Variants in ST8SIA2 observed in about 807,000 individuals in gnomAD.
ST8SIA2 encodes the protein ST8 alpha-N-acetyl-neuraminide alpha-2,8-sialyltransferase 2.
Under a neutral mutation model 37.6 loss-of-function variants are expected in ST8SIA2, and 22 were observed. The ratio of observed to expected loss-of-function variants is 0.58; its 90% confidence interval spans 0.42 to 0.83. ST8SIA2 has a LOEUF of 0.83. Among genes scored for constraint, ST8SIA2 ranks in the 40% least tolerant of loss-of-function variants. The probability of loss-of-function intolerance (pLI) is 0.00; values close to 1 mark genes in which losing one functional copy is unlikely to be tolerated. For synonymous variants in ST8SIA2, 205 were observed against 201.2 expected (o/e 1.02, Z -0.16); for missense variants, 382 against 484.7 (o/e 0.79, Z 1.99).
At chr15:92,451,132 T>C (rs891828334) in intron 5 of ST8SIA2, among the ~76,000 whole-genome samples, 11 of 152,142 alleles carry the variant, frequency 7.2e-5, no homozygotes, top group African/African-American at 2.2e-4. Flanking sequence ...CTCAGACAAG[T>C]TAGGTCATTT....
At chr15:92,453,549 A>G (rs765996707) in intron 5 of ST8SIA2, among the ~76,000 whole-genome samples, 1 of 152,250 alleles carries the variant, frequency 6.6e-6, no homozygotes, top group African/African-American at 2.4e-5. Flanking sequence ...CAAAAGGATA[A>G]CATGGTCTTG....
intron 1 of ST8SIA2, among the ~76,000 whole-genome samples, chr15:92,412,129 T>C (rs572165766): frequency 6.6e-6 from 1 of 152,060 alleles, no homozygotes; most frequent in South Asian, 2.1e-4. Context: ...GAGAGGTCTC[T>C]GATAAAGGGG....
At chr15:92,431,184 C>G (rs2049712909) in intron 2 of ST8SIA2, among the ~76,000 whole-genome samples, 1 of 152,172 alleles carries the variant, frequency 6.6e-6, no homozygotes, top group African/African-American at 2.4e-5. Flanking sequence ...AATGATGCCC[C>G]ATTTCGGAGA....
chr15:92,411,115 G>C (rs1399346881), intron 1 of ST8SIA2, among the ~76,000 whole-genome samples: 2 of 152,138 alleles, frequency 1.3e-5, no homozygotes, highest in Non-Finnish European at 2.9e-5. Flanking sequence ...CATGGGGTCC[G>C]GAGACCTCTA....
chr15:92,462,615 T>A (rs2049965283), intron 5 of ST8SIA2, among the ~76,000 whole-genome samples: 2 of 152,220 alleles, frequency 1.3e-5, no homozygotes, highest in South Asian at 4.1e-4. Flanking sequence ...GTGTGTTTGA[T>A]TATACAGTCA....
At position 92,466,138 on chromosome 15, in the gene ST8SIA2, C is replaced by G. The variant is rs1221886547; in HGVS notation, c.*1753C>G. 6.6e-6 allele frequency: 1 copy of G among 152,158 alleles called. No individual in the cohort carries two copies. The highest frequency in any genetic ancestry group is 1.5e-5 in the Non-Finnish European group (1 of 68,030). 9.4% of individuals were successfully genotyped at this position (152,158 alleles called of 1,614,324 possible). The stretch of plus-strand genomic sequence containing the variant: ...ACCATTAACCCTACACAAGAACACT[C>G]CAGCCCAAAACCGTGAGGAAGGTGA... On this transcript the variant is annotated 3_prime_UTR_variant, in exon 6 of 6. Transcript: ENST00000268164.
intron 5 of ST8SIA2, among the ~76,000 whole-genome samples, chr15:92,462,090 G>A (rs193275152): frequency 2.0e-5 from 3 of 151,610 alleles, no homozygotes; most frequent in East Asian, 3.9e-4. Context: ...AAACAACCGC[G>A]GTTGTCTAGG....
At position 92,429,446 on chromosome 15, in the gene ST8SIA2, A is replaced by G. The variant is rs142098895; in HGVS notation, c.99-603A>G. Among the ~76,000 whole-genome samples, 441 of 152,296 alleles carry G rather than the reference A, an allele frequency of 2.9e-3. 2 individuals are homozygous for G. Among genetic ancestry groups the G allele is most frequent in the African/African-American group, 0.01 (423 of 41,564 alleles). ...AAAAGCCTATCCTACAGAGGAAGAA[A>G]CAAGGGATCTCATGACTCACATACA... On this transcript the variant is annotated intron_variant, in intron 1 of 5. Coordinates refer to ENST00000268164, the MANE Select transcript of ST8SIA2 (RefSeq NM_006011.4).
intron 1 of ST8SIA2, among the ~76,000 whole-genome samples, chr15:92,409,884 A>G (rs2049537011): frequency 6.6e-6 from 1 of 152,254 alleles, no homozygotes; most frequent in South Asian, 2.1e-4. Flanking sequence ...GGTGCTTACA[A>G]GCCCTGTGCT....
At chr15:92,409,336 T>C (rs1365392822) in intron 1 of ST8SIA2, among the ~76,000 whole-genome samples, 1 of 152,230 alleles carries the variant, frequency 6.6e-6, no homozygotes, top group East Asian at 1.9e-4. Context: ...CTTTTGAAGC[T>C]CACGCATTTG....
intron 4 of ST8SIA2, among the ~76,000 whole-genome samples, chr15:92,443,599 C>G (rs995178225): frequency 2.6e-5 from 4 of 152,078 alleles, no homozygotes; most frequent in African/African-American, 4.8e-5. Context: ...CCCTATTGCC[C>G]CCAGAACCAA....
intron 2 of ST8SIA2, 21 bp from the exon 3 acceptor site, chr15:92,434,222 CTCTT>C (rs1567218067): frequency 6.2e-7 from 1 of 1,613,672 alleles, no homozygotes; most frequent in African/African-American, 1.3e-5. Flanking sequence ...CATGTCTACC[CTCTT>C]TCTTTTTTTT....
At chr15:92,439,594 A>C (rs1186531174) in intron 4 of ST8SIA2, among the ~76,000 whole-genome samples, 1 of 152,106 alleles carries the variant, frequency 6.6e-6, no homozygotes, top group Admixed American at 6.5e-5. Context: ...AAGCCGCCCT[A>C]TTGTAGAGTT....
intron 1 of ST8SIA2, among the ~76,000 whole-genome samples, chr15:92,409,783 C>T (rs1265572272): frequency 2.0e-5 from 3 of 152,226 alleles, no homozygotes; most frequent in African/African-American, 7.2e-5. Flanking sequence ...AGGACGGTTT[C>T]CTGGTACCTG....
At chr15:92,452,649 CCTTT>C (rs1207332091) in intron 5 of ST8SIA2, among the ~76,000 whole-genome samples, 1 of 152,170 alleles carries the variant, frequency 6.6e-6, no homozygotes, top group African/African-American at 2.4e-5. Context: ...TTCTGATGTT[CCTTT>C]GTGAGGCAGG....
intron 1 of ST8SIA2, among the ~76,000 whole-genome samples, chr15:92,395,856 G>C (rs1452842982): frequency 2.0e-5 from 3 of 152,286 alleles, no homozygotes; most frequent in Non-Finnish European, 4.4e-5. Flanking sequence ...AAAAACATAA[G>C]TGCTGTGCTT....
At chr15:92,407,048 T>C (rs906491039) in intron 1 of ST8SIA2, among the ~76,000 whole-genome samples, 5 of 148,834 alleles carry the variant, frequency 3.4e-5, no homozygotes, top group African/African-American at 4.9e-5. Flanking sequence ...AAATGAATAA[T>C]GATTCTTATT....
At chr15:92,447,299 G>T (rs2049849107) in intron 5 of ST8SIA2, among the ~76,000 whole-genome samples, 1 of 152,200 alleles carries the variant, frequency 6.6e-6, no homozygotes, top group Non-Finnish European at 1.5e-5. Context: ...GCACAATGTG[G>T]CAGTGCCATA....
intron 4 of ST8SIA2, among the ~76,000 whole-genome samples, chr15:92,442,903 T>C (rs746052998): frequency 1.3e-5 from 2 of 152,074 alleles, no homozygotes; most frequent in Non-Finnish European, 2.9e-5. Flanking sequence ...CCTTTCTAGC[T>C]CTGGGCCTTT....
Sources: allele counts gnomAD v4.1 joint callset (sites outside exome capture counted in the v4.1 genomes callset), GRCh38; gene constraint gnomAD v4.1.1; transcripts MANE v1.5; gene names NCBI Gene and HGNC (gene_info 2026-07-23, HGNC 2026-07-21).